Variants in MTARC1 observed in about 807,000 individuals in gnomAD.
MTARC1 encodes the protein mitochondrial amidoxime-reducing component 1.
A neutral mutation model predicts 33.6 loss-of-function variants in MTARC1; 24 were observed. The observed-to-expected ratio is 0.72, with a 90% CI of 0.52 to 1.01. MTARC1 has a LOEUF of 1.01. Ranked by LOEUF, MTARC1 falls within the 50% of genes least tolerant of loss-of-function variation. MTARC1 has a pLI of 0.00. For missense variants in MTARC1, 417 were observed against 445.7 expected, an observed-to-expected ratio of 0.94 and a Z score of 0.58; for synonymous variants, 187 against 189.5, an observed-to-expected ratio of 0.99 and a Z score of 0.11.
chr1:220,798,289 T>C, intron 4 of MTARC1: 1 of 1,334,906 alleles, frequency 7.5e-7, no homozygotes. Context: ...CGTTGTTGAG[T>C]CACATTTTCT....
chr1:220,789,411 A>C (rs1012901108), intron 1 of MTARC1, among the ~76,000 whole-genome samples: 1 of 152,028 alleles, frequency 6.6e-6, no homozygotes, highest in Non-Finnish European at 1.5e-5. Flanking sequence ...CATAAAATAC[A>C]CTAACACTAA....
chr1:220,812,335 C>G (rs2642449), intron 6 of MTARC1, among the ~76,000 whole-genome samples: 1 of 152,172 alleles, frequency 6.6e-6, no homozygotes, highest in African/African-American at 2.4e-5. Flanking sequence ...TGGAGAGCCA[C>G]GGAAGGTTTG....
chr1:220,808,991 G>A (rs761809048), intron 6 of MTARC1: 1 of 450,208 alleles, frequency 2.2e-6, no homozygotes, highest in East Asian at 7.0e-5. Context: ...AAAAAAAAAC[G>A]TTTTGCTGGA....
chr1:220,816,829 G>A lies in MTARC1; in HGVS notation c.*3411G>A, dbSNP rs1673291237. On this transcript the variant is annotated 3_prime_UTR_variant, in exon 7 of 7. Transcript: ENST00000366910. ...ACTGGGACTTGATAGGTTAAAGGAG[G>A]TGTGGAGAAGTGTCTTAGACCAGCT... is the stretch of plus-strand genomic sequence containing the variant. 1 of 152,292 alleles carries A rather than the reference G, an allele frequency of 6.6e-6. No individual in the cohort carries two copies. Among genetic ancestry groups the A allele is most frequent in the Admixed American group, 6.5e-5 (1 of 15,288 alleles). The allele number at this position is 152,292 out of a possible 1,614,324, so 9.4% of individuals were successfully genotyped here. A position where few individuals can be genotyped will look rare whatever the true frequency, so the allele number is the denominator to read the frequency against.
At chr1:220,813,163 T>G in intron 6 of MTARC1, 129 bp from the exon 7 acceptor site, 4 of 1,274,222 alleles carry the variant, frequency 3.1e-6, no homozygotes, top group Non-Finnish European at 4.5e-6. Context: ...CGCTGTTCTG[T>G]TGAGCTTTGA....
In MTARC1 at chr1:220,813,393, A is replaced by G. The variant is rs1673199768; in HGVS notation, c.989A>G (p.Asp330Gly). Residue 330 changes from aspartate to glycine, a missense_variant, in exon 7 of 7, where the codon GAC becomes GGC. Coordinates refer to ENST00000366910, the MANE Select transcript of MTARC1 (RefSeq NM_022746.4). ...LENPGTIKVG[D>G]PVYLLGQ ...AACCCAGGGACCATCAAAGTGGGAG[A>G]CCCTGTGTACCTGCTGGGCCAGTAA... The G allele has an allele frequency of 6.2e-7, 1 of 1,614,066 alleles. No homozygotes were observed. Among genetic ancestry groups the G allele is most frequent in the African/African-American group, 1.3e-5 (1 of 74,988 alleles).
chr1:220,788,661 C>T (rs1166805683), intron 1 of MTARC1, among the ~76,000 whole-genome samples: 2 of 151,844 alleles, frequency 1.3e-5, no homozygotes, highest in East Asian at 1.9e-4. Flanking sequence ...TGGTGGTGGG[C>T]GCCTGTAGTC....
In MTARC1 at chr1:220,813,575, C is replaced by T; in HGVS notation, c.*157C>T. 2.2e-6 allele frequency: 2 copies of T among 891,022 alleles called. No individual in the cohort carries two copies. Among genetic ancestry groups the T allele is most frequent in the Admixed American group, 2.9e-5 (1 of 34,916 alleles). 55.2% of individuals were successfully genotyped at this position (891,022 alleles called of 1,614,324 possible). A position where few individuals can be genotyped will look rare whatever the true frequency, so the allele number is the denominator to read the frequency against. ...CTTTTGGACTTCTGGTGTCTCAATG[C>T]TTCAATGTCCCAGTGCAAAAAGTAA... On this transcript the variant is annotated 3_prime_UTR_variant, in exon 7 of 7. Coordinates refer to ENST00000366910, the MANE Select transcript of MTARC1 (RefSeq NM_022746.4).
intron 1 of MTARC1, among the ~76,000 whole-genome samples, chr1:220,788,007 C>CA (rs998849065): frequency 6.6e-6 from 1 of 150,566 alleles, no homozygotes; most frequent in Admixed American, 6.6e-5. Context: ...GACTCCGAAT[C>CA]AAAAAAAGAA....
intron 2 of MTARC1, 63 bp from the exon 3 acceptor site, chr1:220,796,580 C>T: frequency 6.8e-7 from 1 of 1,473,892 alleles, no homozygotes; most frequent in South Asian, 1.4e-5. Context: ...ATATAGCTGG[C>T]ACATATTAGG....
intron 2 of MTARC1, among the ~76,000 whole-genome samples, chr1:220,795,785 GTTCT>G (rs1175565534): frequency 6.6e-6 from 1 of 152,166 alleles, no homozygotes; most frequent in Non-Finnish European, 1.5e-5. Context: ...CCTAAGGTGT[GTTCT>G]TTCTTTGTTA....
Position 220,818,798 on chromosome 1 carries a change from A to G in MTARC1, c.*5380A>G, listed in dbSNP as rs1279878023. On this transcript the variant is annotated 3_prime_UTR_variant, in exon 7 of 7. Coordinates refer to ENST00000366910, the MANE Select transcript of MTARC1 (RefSeq NM_022746.4). ...ACAAAGTCTCAGAGAGATTGAATTT[A>G]CTGGGTTGAAGGGAGGAGCACCTTC... 6.6e-6 allele frequency: 1 copy of G among 152,222 alleles called. No homozygotes were observed. The highest frequency in any genetic ancestry group is 1.5e-5 in the Non-Finnish European group (1 of 68,034). The allele number at this position is 152,222 out of a possible 1,614,324, so 9.4% of individuals were successfully genotyped here. A position where few individuals can be genotyped will look rare whatever the true frequency, so the allele number is the denominator to read the frequency against.
intron 2 of MTARC1, among the ~76,000 whole-genome samples, 188 bp from the exon 3 acceptor site, chr1:220,796,455 G>C (rs143453053): frequency 1.8e-3 from 279 of 152,304 alleles, no homozygotes; most frequent in Admixed American, 3.5e-3. Context: ...GCTTAAAGGG[G>C]TGCTTTCATT....
intron 1 of MTARC1, among the ~76,000 whole-genome samples, chr1:220,787,788 G>A (rs564957526): frequency 1.4e-4 from 21 of 152,186 alleles, no homozygotes; most frequent in Non-Finnish European, 2.4e-4. Flanking sequence ...TCAGGAGTTC[G>A]AGACCAGCCT....
In MTARC1 at chr1:220,813,561, C is replaced by G. The variant is rs1673206236; in HGVS notation, c.*143C>G. 8.9e-7 allele frequency: 1 copy of G among 1,123,986 alleles called. No individual in the cohort carries two copies. The highest frequency in any genetic ancestry group is 1.6e-5 in the South Asian group (1 of 61,488). The allele number at this position is 1,123,986 out of a possible 1,614,324, so 69.6% of individuals were successfully genotyped here. On this transcript the variant is annotated 3_prime_UTR_variant, in exon 7 of 7. Transcript: ENST00000366910. ...TTCACATTTTTCGTCTTTTGGACTT[C>G]TGGTGTCTCAATGCTTCAATGTCCC...
At chr1:220,807,962 C>T (rs1334609603) in intron 6 of MTARC1, among the ~76,000 whole-genome samples, 1 of 152,142 alleles carries the variant, frequency 6.6e-6, no homozygotes, top group African/African-American at 2.4e-5. Flanking sequence ...CCTGCCCGCA[C>T]TCAGACCCTG....
intron 6 of MTARC1, chr1:220,808,900 G>A (rs531488879): frequency 9.3e-5 from 44 of 471,146 alleles, no homozygotes; most frequent in South Asian, 6.5e-4. Flanking sequence ...TGAAGGAATG[G>A]CTGGAGTCTG....
chr1:220,806,241 C>T (rs1672968002), intron 6 of MTARC1, among the ~76,000 whole-genome samples: 1 of 152,214 alleles, frequency 6.6e-6, no homozygotes, highest in African/African-American at 2.4e-5. Context: ...GGGTGCTTCT[C>T]TTCATTGGTC....
In MTARC1 at chr1:220,805,008, C is replaced by T. The variant is rs773702977; in HGVS notation, c.754-44C>T. 8.7e-6 allele frequency: 14 copies of T among 1,601,590 alleles called. No homozygotes were observed. In the South Asian group the frequency reaches 1.5e-4, roughly 18 times the overall value. ...GAAATCTCTACACACGTGTCAGGGG[C>T]AGGGCCCAGAGATGCTCATGGGAAT... On this transcript the variant is annotated intron_variant, in intron 4 of 6. Coordinates refer to ENST00000366910, the MANE Select transcript of MTARC1 (RefSeq NM_022746.4).
Sources: allele counts gnomAD v4.1 joint callset (sites outside exome capture counted in the v4.1 genomes callset), GRCh38; gene constraint gnomAD v4.1.1; transcripts MANE v1.5; gene names NCBI Gene and HGNC (gene_info 2026-07-23, HGNC 2026-07-21).